The following LRP1B variants were observed in gnomAD, a reference collection of about 807,000 sequenced individuals.
LRP1B encodes the protein low-density lipoprotein receptor-related protein 1B.
Under a neutral mutation model 556.6 loss-of-function variants are expected in LRP1B, and 217 were observed. The ratio of observed to expected loss-of-function variants is 0.39; its 90% CI spans 0.35 to 0.44. The LOEUF is 0.44. Among genes scored for constraint, LRP1B ranks in the 20% least tolerant of loss-of-function variants. The pLI is 1.00. For synonymous variants in LRP1B, 2,047 were observed against 1,865.8 expected, an observed-to-expected ratio of 1.10 and a Z score of -2.50; for missense variants, 5,053 against 5,620.8, an observed-to-expected ratio of 0.90 and a Z score of 3.23.
intron 2 of LRP1B, among the ~76,000 whole-genome samples, chr2:141,647,851 C>T (rs1407559835): frequency 2.0e-5 from 3 of 151,642 alleles, no homozygotes; most frequent in African/African-American, 2.4e-5. Flanking sequence ...AATAATAAAA[C>T]CATCTCAGTT....
chr2:141,320,377 A>G (rs2381140), intron 3 of LRP1B, among the ~76,000 whole-genome samples: 61,230 of 151,906 alleles, frequency 0.4, 12,904 homozygotes, highest in East Asian at 0.69. Context: ...TCCTGTAGAT[A>G]ACACAGAATA....
chr2:140,882,642 C>T (rs1023962566), intron 25 of LRP1B, among the ~76,000 whole-genome samples: 2 of 152,178 alleles, frequency 1.3e-5, no homozygotes, highest in African/African-American at 2.4e-5. Flanking sequence ...ATGGTTTCTG[C>T]CCCTTTCATT....
At chr2:141,116,332 GAAGTA>G (rs1390472988) in intron 7 of LRP1B, among the ~76,000 whole-genome samples, 4 of 152,268 alleles carry the variant, frequency 2.6e-5, no homozygotes, top group Middle Eastern at 3.4e-3. Context: ...TGTTCACAAA[GAAGTA>G]AAGCAAATAC....
chr2:140,848,357 C>T (rs547202672), intron 29 of LRP1B, among the ~76,000 whole-genome samples: 56 of 152,136 alleles, frequency 3.7e-4, no homozygotes, highest in Middle Eastern at 3.4e-3. Flanking sequence ...TCAGCAAGTT[C>T]GAAATAAATA....
chr2:140,457,766 CTG>C, intron 60 of LRP1B, 115 bp from the exon 61 acceptor site: 1 of 792,116 alleles, frequency 1.3e-6, no homozygotes. Flanking sequence ...TGAATAATTG[CTG>C]TGACAACCTG....
chr2:141,021,022 C>A (rs907471977), intron 11 of LRP1B, among the ~76,000 whole-genome samples: 2 of 151,948 alleles, frequency 1.3e-5, no homozygotes, highest in African/African-American at 4.8e-5. Flanking sequence ...TCTTCTGTTG[C>A]ATGAAAAATG....
At position 141,980,321 on chromosome 2, in the gene LRP1B, C is replaced by T. The variant is rs186867713; in HGVS notation, c.82+150327G>A. On this transcript the variant is annotated intron_variant, in intron 1 of 90. Transcript: ENST00000389484. ...GGGCCACCAACCTTATGATGCAGTT[C>T]CCCAATGCTACAATAAAATGTCCTA... Among the ~76,000 whole-genome samples, 49 of 152,128 alleles carry T rather than the reference C, an allele frequency of 3.2e-4. No homozygotes were observed. The East Asian group carries it at 9.1e-3, about 28-fold the overall frequency.
At chr2:141,811,686 T>G (rs1433400138) in intron 1 of LRP1B, among the ~76,000 whole-genome samples, 1 of 152,130 alleles carries the variant, frequency 6.6e-6, no homozygotes, top group African/African-American at 2.4e-5. Flanking sequence ...ATATTTTTAT[T>G]AAGTTAACCA....
chr2:140,243,845 G>A (rs770125546), intron 87 of LRP1B, among the ~76,000 whole-genome samples: 3 of 151,178 alleles, frequency 2.0e-5, no homozygotes, highest in Non-Finnish European at 1.5e-5. Flanking sequence ...TGTACCTTGA[G>A]CCTCAAGTCT....
intron 2 of LRP1B, among the ~76,000 whole-genome samples, chr2:141,779,550 G>A (rs1695179224): frequency 6.6e-6 from 1 of 150,970 alleles, no homozygotes; most frequent in South Asian, 2.1e-4. Context: ...CCAAGTAGCT[G>A]GAATTATAGG....
intron 3 of LRP1B, among the ~76,000 whole-genome samples, chr2:141,339,295 T>G (rs1305460249): frequency 1.4e-5 from 1 of 70,528 alleles, no homozygotes; most frequent in Admixed American, 1.3e-4. Context: ...CTGCTTGGGG[T>G]AACGCAAAAA....
chr2:140,332,531 C>T (rs1277437726), intron 79 of LRP1B, among the ~76,000 whole-genome samples: 2 of 152,022 alleles, frequency 1.3e-5, no homozygotes, highest in Admixed American at 6.6e-5. Context: ...AGTGAGGACT[C>T]GCACATACCC....
intron 2 of LRP1B, among the ~76,000 whole-genome samples, chr2:141,803,834 G>C (rs531538555): frequency 1.2e-4 from 18 of 152,058 alleles, no homozygotes; most frequent in Non-Finnish European, 2.4e-4. Context: ...ATTATAAAAG[G>C]ATTTCTATCT....
intron 43 of LRP1B, among the ~76,000 whole-genome samples, chr2:140,592,928 A>C (rs1489022165): frequency 8.9e-6 from 1 of 112,924 alleles, no homozygotes; most frequent in East Asian, 2.7e-4. Context: ...TGACAAAGTG[A>C]GATCCTGACA....
At chr2:140,539,135 G>A (rs1336217170) in intron 45 of LRP1B, among the ~76,000 whole-genome samples, 1 of 152,070 alleles carries the variant, frequency 6.6e-6, no homozygotes, top group Admixed American at 6.6e-5. Context: ...CAAGGGGACT[G>A]CCTAATCTTC....
In LRP1B at chr2:140,269,706, T is replaced by G. The variant is rs574801439; in HGVS notation, c.13247+536A>C. Among the ~76,000 whole-genome samples the G allele has an allele frequency of 3.9e-5, 6 of 152,036 alleles. No homozygotes were observed. The South Asian group carries it at 1.2e-3, about 32-fold the overall frequency. On this transcript the variant is annotated intron_variant, in intron 86 of 90. Coordinates refer to ENST00000389484, the MANE Select transcript of LRP1B (RefSeq NM_018557.3). The stretch of plus-strand genomic sequence containing the variant: ...GGGGGGAAAATACTAAATTCCAGAT[T>G]TTCTCAGGAGTACTGTGAATATACC...
chr2:141,685,845 C>A (rs1043569430), intron 2 of LRP1B, among the ~76,000 whole-genome samples: 1 of 151,942 alleles, frequency 6.6e-6, no homozygotes, highest in Non-Finnish European at 1.5e-5. Context: ...ACAATATCTT[C>A]TTTCTTGGTC....
chr2:141,302,336 G>C (rs538112190), intron 3 of LRP1B, among the ~76,000 whole-genome samples: 1 of 152,158 alleles, frequency 6.6e-6, no homozygotes, highest in South Asian at 2.1e-4. Flanking sequence ...AGTACATTAT[G>C]CTAAATATTT....
chr2:140,920,464 G>A (rs1011951186), intron 21 of LRP1B, among the ~76,000 whole-genome samples: 29 of 152,038 alleles, frequency 1.9e-4, no homozygotes, highest in African/African-American at 6.5e-4. Context: ...AAAAAACTTT[G>A]AAAATAATCA....
Sources: allele counts gnomAD v4.1 joint callset (sites outside exome capture counted in the v4.1 genomes callset), GRCh38; gene constraint gnomAD v4.1.1; transcripts MANE v1.5; gene names NCBI Gene and HGNC (gene_info 2026-07-23, HGNC 2026-07-21).